Variants in KCNH1 observed in about 807,000 individuals in gnomAD.
The protein encoded by KCNH1 is potassium voltage-gated channel subfamily H member 1, also known as voltage-gated delayed rectifier potassium channel KCNH1.
KCNH1 carries 27 observed loss-of-function variants against 69.2 expected under a neutral mutation model. That is an observed-to-expected ratio of 0.39 (90% confidence interval 0.29 to 0.54). The LOEUF (loss-of-function observed/expected upper bound fraction) is 0.54. Ranked by LOEUF, KCNH1 falls within the 20% of genes least tolerant of loss-of-function variation. KCNH1 has a pLI of 0.68. For synonymous variants in KCNH1, 456 were observed against 487.7 expected (o/e 0.93, Z 0.86); for missense variants, 798 against 1,261.6 (o/e 0.63, Z 5.57).
chr1:210,955,632 G>A (rs914198957), intron 6 of KCNH1, among the ~76,000 whole-genome samples: 1 of 152,130 alleles, frequency 6.6e-6, no homozygotes, highest in African/African-American at 2.4e-5. Flanking sequence ...CTTGTAAGAT[G>A]GATTCCTAGG....
At chr1:211,128,521 G>C (rs1427699336) in intron 1 of KCNH1, among the ~76,000 whole-genome samples, 1 of 152,088 alleles carries the variant, frequency 6.6e-6, no homozygotes, top group East Asian at 1.9e-4. Flanking sequence ...ATCAGGAGAT[G>C]TCACCCTTTA....
intron 6 of KCNH1, among the ~76,000 whole-genome samples, chr1:210,985,413 G>C (rs1419040262): frequency 6.6e-6 from 1 of 151,982 alleles, no homozygotes. Context: ...TTCTCTTGTG[G>C]GCATGTAGTG....
At chr1:210,873,624 C>T (rs1011654833) in intron 7 of KCNH1, among the ~76,000 whole-genome samples, 7 of 152,246 alleles carry the variant, frequency 4.6e-5, no homozygotes, top group Admixed American at 4.6e-4. Context: ...CTCAGCCCCC[C>T]AAAGTTCTGG....
At chr1:210,941,073 C>T (rs1205996538) in intron 6 of KCNH1, among the ~76,000 whole-genome samples, 1 of 152,108 alleles carries the variant, frequency 6.6e-6, no homozygotes, top group Non-Finnish European at 1.5e-5. Flanking sequence ...TTATCAGTCC[C>T]CTGGGCAGAG....
rs184601187 is a variant in KCNH1, at chr1:210,784,298, G to T, written c.1916-8754C>A. ...ATCTGTAGTAAAGGTACAAAGCTCT[G>T]CTTTTTATCCTTACTGCAAAAAATA... On this transcript the variant is annotated intron_variant, in intron 9 of 10. Transcript: ENST00000271751. Among the ~76,000 whole-genome samples the T allele has an allele frequency of 2.3e-3, 351 of 152,308 alleles. 2 individuals carry two copies. Among genetic ancestry groups the T allele is most frequent in the Non-Finnish European group, 1.8e-3 (125 of 68,024 alleles).
At chr1:210,911,219 T>A (rs1475381432) in intron 7 of KCNH1, among the ~76,000 whole-genome samples, 1 of 152,036 alleles carries the variant, frequency 6.6e-6, no homozygotes, top group South Asian at 2.1e-4. Flanking sequence ...CCCACGGCTC[T>A]TCCCAAATAA....
intron 10 of KCNH1, among the ~76,000 whole-genome samples, chr1:210,716,157 G>A (rs1682240155): frequency 2.0e-5 from 3 of 152,040 alleles, no homozygotes; most frequent in Non-Finnish European, 2.9e-5. Flanking sequence ...GCACAGGCTG[G>A]GCGTGGCGGC....
chr1:210,934,253 A>G (rs1444244528), intron 6 of KCNH1, among the ~76,000 whole-genome samples: 1 of 152,254 alleles, frequency 6.6e-6, no homozygotes, highest in East Asian at 1.9e-4. Context: ...GAGACAACCT[A>G]AAGAATGGAT....
rs1387125358 is a variant in KCNH1, at chr1:210,940,516, T to C, written c.1033-20447A>G. Among the ~76,000 whole-genome samples, 7 of 152,234 alleles carry C rather than the reference T, an allele frequency of 4.6e-5. No individual in the cohort carries two copies. The East Asian group carries it at 1.3e-3, about 29-fold the overall frequency. On this transcript the variant is annotated intron_variant, in intron 6 of 10. Transcript: ENST00000271751. ...ATGGGATAGCTTGCAACCTTCCATT[T>C]GTTTAATCCAATAATGTACCCAAAA...
chr1:210,904,876 C>T (rs1501565), intron 7 of KCNH1, among the ~76,000 whole-genome samples: 101,145 of 152,036 alleles, frequency 0.67, 34,324 homozygotes, highest in African/African-American at 0.79. Context: ...GAAACTGAAG[C>T]TCAGAAAAGA....
At chr1:210,688,423 C>G (rs762702115) in intron 10 of KCNH1, among the ~76,000 whole-genome samples, 1 of 152,212 alleles carries the variant, frequency 6.6e-6, no homozygotes, top group African/African-American at 2.4e-5. Context: ...AACTTTGTGG[C>G]TATAGCCATC....
At chr1:211,036,298 T>C (rs1009687323) in intron 5 of KCNH1, among the ~76,000 whole-genome samples, 3 of 152,192 alleles carry the variant, frequency 2.0e-5, no homozygotes, top group African/African-American at 7.2e-5. Flanking sequence ...CTGGTGAGTT[T>C]CAGCTCCTTG....
chr1:211,104,955 T>C (rs964660583), intron 2 of KCNH1, among the ~76,000 whole-genome samples: 1 of 152,222 alleles, frequency 6.6e-6, no homozygotes, highest in African/African-American at 2.4e-5. Flanking sequence ...CTTAGCTTGA[T>C]ACCAGAACAG....
At chr1:210,775,231 C>T in intron 10 of KCNH1, 117 bp downstream of exon 10, 1 of 852,244 alleles carries the variant, frequency 1.2e-6, no homozygotes, top group Non-Finnish European at 1.8e-6. Flanking sequence ...AACAGATCCT[C>T]TTTAGAACCA....
intron 10 of KCNH1, among the ~76,000 whole-genome samples, chr1:210,710,864 T>A (rs189524446): frequency 2.0e-5 from 3 of 152,300 alleles, no homozygotes; most frequent in Non-Finnish European, 4.4e-5. Flanking sequence ...TCACTCCATC[T>A]AATCCAGGCC....
intron 4 of KCNH1, among the ~76,000 whole-genome samples, chr1:211,085,751 T>C (rs951654850): frequency 1.3e-5 from 2 of 152,202 alleles, no homozygotes; most frequent in African/African-American, 4.8e-5. Flanking sequence ...TGGTGAAAGA[T>C]AATATGTACA....
At chr1:211,074,656 A>G (rs1393034787) in intron 5 of KCNH1, among the ~76,000 whole-genome samples, 1 of 152,224 alleles carries the variant, frequency 6.6e-6, no homozygotes, top group Non-Finnish European at 1.5e-5. Context: ...AGCCAACACT[A>G]AAATAAATGT....
chr1:211,127,378 T>C (rs1054360857), intron 1 of KCNH1, among the ~76,000 whole-genome samples: 2 of 150,388 alleles, frequency 1.3e-5, no homozygotes. Flanking sequence ...CCCCAGGGTT[T>C]ACTGCTTCTC....
At chr1:211,072,495 CAG>C (rs1690663436) in intron 5 of KCNH1, among the ~76,000 whole-genome samples, 1 of 152,076 alleles carries the variant, frequency 6.6e-6, no homozygotes, top group Non-Finnish European at 1.5e-5. Context: ...ACTAATCTAA[CAG>C]ATGACAGTTC....
Sources: allele counts gnomAD v4.1 joint callset (sites outside exome capture counted in the v4.1 genomes callset), GRCh38; gene constraint gnomAD v4.1.1; transcripts MANE v1.5; gene names NCBI Gene and HGNC (gene_info 2026-07-23, HGNC 2026-07-21).